Variants in HECW2 observed in about 807,000 individuals in gnomAD.
The protein encoded by HECW2 is HECT, C2 and WW domain containing E3 ubiquitin protein ligase 2, also known as E3 ubiquitin-protein ligase HECW2.
Under a neutral mutation model 175.2 loss-of-function variants are expected in HECW2, and 61 were observed. That is an observed-to-expected ratio of 0.35 (90% CI 0.28 to 0.43). HECW2 has a LOEUF of 0.43. HECW2 is among the 20% of genes least tolerant of loss of function. HECW2 has a pLI of 1.00. For synonymous variants in HECW2, 671 were observed against 731.0 expected (o/e 0.92, Z 1.32); for missense variants, 1,524 against 2,000.5 (o/e 0.76, Z 4.54).
chr2:196,508,572 G>C (rs746428923), intron 1 of HECW2, among the ~76,000 whole-genome samples: 8 of 152,190 alleles, frequency 5.3e-5, no homozygotes, highest in Non-Finnish European at 1.2e-4. Context: ...AGAAAGAACA[G>C]TATTTTGGTT....
At chr2:196,534,727 C>T (rs1476107692) in intron 1 of HECW2, among the ~76,000 whole-genome samples, 1 of 152,156 alleles carries the variant, frequency 6.6e-6, no homozygotes, top group Non-Finnish European at 1.5e-5. Context: ...TCGCCTGCCC[C>T]GGCCTCAGAA....
rs1686616307 is a variant in HECW2, at chr2:196,194,135, GT to G, written c.*7141del. 6.6e-6 allele frequency: 1 copy of G among 151,672 alleles called. No homozygotes were observed. Among genetic ancestry groups the G allele is most frequent in the Admixed American group, 6.6e-5 (1 of 15,244 alleles). 9.4% of individuals were successfully genotyped at this position (151,672 alleles called of 1,614,324 possible). ...TTTAACATTAACAGCCCATCAAACA[GT>G]AAAATATTCTTGTAGGGATAAACAA... On this transcript the variant is annotated 3_prime_UTR_variant, in exon 29 of 29. Coordinates refer to ENST00000644978, the MANE Select transcript of HECW2 (RefSeq NM_001348768.2).
At chr2:196,369,389 G>A (rs1000824581) in intron 2 of HECW2, among the ~76,000 whole-genome samples, 8 of 111,768 alleles carry the variant, frequency 7.2e-5, no homozygotes, top group African/African-American at 3.3e-4. Context: ...TCTCACTGAT[G>A]AGCTCTCTGA....
At chr2:196,329,488 T>A in intron 5 of HECW2, 87 bp downstream of exon 5, 1 of 1,053,460 alleles carries the variant, frequency 9.5e-7, no homozygotes, top group Non-Finnish European at 1.5e-6. Flanking sequence ...TCATATCATA[T>A]ACGAAAGTCT....
intron 1 of HECW2, among the ~76,000 whole-genome samples, chr2:196,548,600 A>G (rs975595268): frequency 3.3e-5 from 5 of 152,216 alleles, no homozygotes; most frequent in African/African-American, 1.2e-4. Context: ...GGTCATTGTA[A>G]TAAGTAAAGC....
At chr2:196,322,194 A>C (rs1047523787) in intron 7 of HECW2, among the ~76,000 whole-genome samples, 2 of 152,226 alleles carry the variant, frequency 1.3e-5, no homozygotes, top group African/African-American at 4.8e-5. Flanking sequence ...TTTTATAAAA[A>C]GCTCCAATAT....
intron 2 of HECW2, among the ~76,000 whole-genome samples, chr2:196,402,203 A>T (rs11901968): frequency 0.015 from 1,766 of 120,126 alleles, 9 homozygotes; most frequent in African/African-American, 0.058. Context: ...TCTGTCTCAA[A>T]AAAAAAAAAA....
intron 2 of HECW2, among the ~76,000 whole-genome samples, chr2:196,395,785 T>A (rs1035453077): frequency 2.0e-5 from 3 of 151,998 alleles, no homozygotes; most frequent in African/African-American, 7.2e-5. Context: ...GCTGGTAGAA[T>A]GTGAAATGGT....
At chr2:196,536,657 T>C (rs1169377822) in intron 1 of HECW2, among the ~76,000 whole-genome samples, 1 of 152,140 alleles carries the variant, frequency 6.6e-6, no homozygotes, top group African/African-American at 2.4e-5. Context: ...AAAAAGGAGA[T>C]TATAGATCTC....
intron 14 of HECW2, among the ~76,000 whole-genome samples, chr2:196,281,512 C>T (rs1168956458): frequency 6.6e-6 from 1 of 151,670 alleles, no homozygotes; most frequent in East Asian, 1.9e-4. Context: ...TGGTGGCAGA[C>T]ACCTGTAGTC....
intron 17 of HECW2, among the ~76,000 whole-genome samples, chr2:196,259,187 T>C (rs1689183523): frequency 6.6e-6 from 1 of 152,216 alleles, no homozygotes; most frequent in East Asian, 1.9e-4. Context: ...TTCGCCATGC[T>C]GGTCTCAAAC....
At chr2:196,467,710 A>C (rs1318855946) in intron 1 of HECW2, among the ~76,000 whole-genome samples, 1 of 152,232 alleles carries the variant, frequency 6.6e-6, no homozygotes, top group Middle Eastern at 3.2e-3. Context: ...ATCACAACAT[A>C]AAAGCAGGAA....
chr2:196,277,806 T>A (rs1034056921), intron 15 of HECW2, among the ~76,000 whole-genome samples: 3 of 151,792 alleles, frequency 2.0e-5, no homozygotes, highest in African/African-American at 7.3e-5. Flanking sequence ...CCATAAAAAA[T>A]GATGAGTTCA....
chr2:196,566,775 A>C (rs1447787133), intron 1 of HECW2, among the ~76,000 whole-genome samples: 1 of 146,488 alleles, frequency 6.8e-6, no homozygotes, highest in Non-Finnish European at 1.5e-5. Context: ...CTGGTCTCAA[A>C]CTCCTGGCCT....
chr2:196,214,395 T>C (rs111432156), intron 28 of HECW2, among the ~76,000 whole-genome samples: 11 of 152,350 alleles, frequency 7.2e-5, no homozygotes, highest in African/African-American at 2.6e-4. Flanking sequence ...TTTACAGAAA[T>C]AGATTTCAAC....
intron 1 of HECW2, among the ~76,000 whole-genome samples, chr2:196,580,840 T>C (rs1271180124): frequency 6.6e-6 from 1 of 152,110 alleles, no homozygotes; most frequent in South Asian, 2.1e-4. Flanking sequence ...ACAAAAACTT[T>C]TACATAAATG....
chr2:196,462,989 C>T (rs944558505), intron 1 of HECW2, among the ~76,000 whole-genome samples: 19 of 152,160 alleles, frequency 1.2e-4, no homozygotes, highest in Admixed American at 3.9e-4. Context: ...CTGCAAACTC[C>T]CCCATTCCCC....
At chr2:196,512,587 A>C (rs1687992079) in intron 1 of HECW2, among the ~76,000 whole-genome samples, 1 of 151,940 alleles carries the variant, frequency 6.6e-6, no homozygotes, top group Admixed American at 6.6e-5. Context: ...ATGAGGTCTC[A>C]CTATGTTGCT....
chr2:196,207,754 G>A (rs1008718297), intron 28 of HECW2, among the ~76,000 whole-genome samples: 2 of 152,216 alleles, frequency 1.3e-5, no homozygotes, highest in African/African-American at 4.8e-5. Flanking sequence ...CTATAGACGG[G>A]TGAGGGGAAT....
Sources: gnomAD v4.1 joint callset for allele counts (sites outside exome capture counted in the v4.1 genomes callset) on GRCh38, gnomAD v4.1.1 for gene constraint, MANE v1.5 for transcripts, NCBI Gene and HGNC (gene_info 2026-07-23, HGNC 2026-07-21) for gene names.